WAPL: variants seen among roughly 807,000 people sequenced by gnomAD.
WAPL encodes the protein wings apart-like protein homolog.
In WAPL, 5 loss-of-function variants were observed where a neutral mutation model predicts 121.0. The ratio of observed to expected loss-of-function variants is 0.04; its 90% CI spans 0.02 to 0.09. WAPL has a LOEUF of 0.09. Among genes scored for constraint, WAPL ranks in the 10% least tolerant of loss-of-function variants. The pLI is 1.00. For missense variants in WAPL, 999 were observed against 1,410.8 expected, an observed-to-expected ratio of 0.71 and a Z score of 4.68; for synonymous variants, 480 against 481.5, an observed-to-expected ratio of 1.00 and a Z score of 0.04.
intron 4 of WAPL, among the ~76,000 whole-genome samples, chr10:86,482,459 C>T (rs950288947): frequency 6.6e-6 from 1 of 152,114 alleles, no homozygotes; most frequent in African/African-American, 2.4e-5. Flanking sequence ...TTGCTAAAAG[C>T]GCCAAGAAGC....
At chr10:86,491,026 G>A (rs1451267218) in intron 4 of WAPL, among the ~76,000 whole-genome samples, 1 of 150,580 alleles carries the variant, frequency 6.6e-6, no homozygotes, top group Non-Finnish European at 1.5e-5. Flanking sequence ...TCATGCCACC[G>A]CACTCCAGCC....
At chr10:86,455,127 G>T (rs933489879) in intron 12 of WAPL, among the ~76,000 whole-genome samples, 25 of 147,410 alleles carry the variant, frequency 1.7e-4, no homozygotes, top group Non-Finnish European at 2.9e-4. Context: ...CCTCTGCCCG[G>T]CCACCCCGTC....
intron 12 of WAPL, among the ~76,000 whole-genome samples, chr10:86,457,128 A>G (rs1237075863): frequency 6.6e-6 from 1 of 152,204 alleles, no homozygotes; most frequent in Non-Finnish European, 1.5e-5. Flanking sequence ...GAAACATTTA[A>G]CTTCAATAAT....
intron 15 of WAPL, among the ~76,000 whole-genome samples, chr10:86,451,120 T>A (rs76095556): frequency 2.0e-5 from 3 of 151,848 alleles, no homozygotes; most frequent in Admixed American, 6.6e-5. Flanking sequence ...TTTTTTTTTT[T>A]AATAGAGATG....
intron 9 of WAPL, among the ~76,000 whole-genome samples, chr10:86,466,874 T>C (rs1841410464): frequency 6.6e-6 from 1 of 152,140 alleles, no homozygotes; most frequent in East Asian, 1.9e-4. Context: ...GATTTTTTTG[T>C]ATTTTCTGCA....
chr10:86,521,192 A>G (rs1842668578), intron 1 of WAPL, among the ~76,000 whole-genome samples, 173 bp downstream of exon 1: 1 of 152,218 alleles, frequency 6.6e-6, no homozygotes, highest in Non-Finnish European at 1.5e-5. Context: ...AAGAACTCCG[A>G]AAAAGGAAAA....
intron 1 of WAPL, among the ~76,000 whole-genome samples, chr10:86,520,309 T>TA (rs1429151480): frequency 2.0e-5 from 3 of 152,110 alleles, no homozygotes; most frequent in Non-Finnish European, 4.4e-5. Context: ...ATAATAATAA[T>TA]AATGATAATA....
chr10:86,442,143 C>T (rs1401201423), intron 17 of WAPL, among the ~76,000 whole-genome samples: 3 of 152,306 alleles, frequency 2.0e-5, no homozygotes, highest in East Asian at 1.9e-4. Context: ...TCGATTCTTG[C>T]GTCTCAGCCT....
At chr10:86,474,040 AG>A (rs1394331813) in intron 4 of WAPL, 67 bp from the exon 5 acceptor site, 125 of 1,305,054 alleles carry the variant, frequency 9.6e-5, no homozygotes, top group Admixed American at 9.5e-4. Context: ...AAAATCATAA[AG>A]AATAATTTAT....
chr10:86,437,189 G>C lies in WAPL; in HGVS notation c.*354C>G. On this transcript the variant is annotated 3_prime_UTR_variant, in exon 19 of 19. Coordinates refer to ENST00000298767, the MANE Select transcript of WAPL (RefSeq NM_015045.5). The stretch of plus-strand genomic sequence containing the variant: ...TGACAACAGTGGCTCAACATACACA[G>C]CAGTTGCACTAACAGCAGCACAAAT... 1 of 203,024 alleles carries C rather than the reference G, an allele frequency of 4.9e-6. No individual in the cohort carries two copies. The highest frequency in any genetic ancestry group is 9.9e-6 in the Non-Finnish European group (1 of 101,312). 12.6% of individuals were successfully genotyped at this position (203,024 alleles called of 1,614,324 possible).
chr10:86,446,189 A>G, intron 16 of WAPL, 53 bp downstream of exon 16: 1 of 1,594,794 alleles, frequency 6.3e-7, no homozygotes, highest in Non-Finnish European at 8.6e-7. Flanking sequence ...GAAGAAAAAA[A>G]CAAAATCAAA....
At chr10:86,444,847 G>GT (rs1471234018) in intron 16 of WAPL, among the ~76,000 whole-genome samples, 1 of 108,190 alleles carries the variant, frequency 9.2e-6, no homozygotes, top group East Asian at 2.8e-4. Flanking sequence ...CAATAAAGCT[G>GT]TAACTTTTTA....
chr10:86,462,526 T>G (rs1298057710), intron 9 of WAPL, among the ~76,000 whole-genome samples: 1 of 151,648 alleles, frequency 6.6e-6, no homozygotes, highest in Non-Finnish European at 1.5e-5. Flanking sequence ...TTAAGACCAG[T>G]CTGGCCAACA....
chr10:86,457,680 C>T (rs1241664123), intron 12 of WAPL, among the ~76,000 whole-genome samples: 1 of 151,576 alleles, frequency 6.6e-6, no homozygotes, highest in African/African-American at 2.4e-5. Context: ...TATACAAATG[C>T]AAGATACAAA....
At chr10:86,498,904 A>G (rs1315212356) in intron 3 of WAPL, among the ~76,000 whole-genome samples, 1 of 152,156 alleles carries the variant, frequency 6.6e-6, no homozygotes, top group Non-Finnish European at 1.5e-5. Context: ...GCACTTTTCA[A>G]TTTTATTAAA....
At chr10:86,506,431 A>G (rs544559045) in intron 2 of WAPL, among the ~76,000 whole-genome samples, 1 of 152,340 alleles carries the variant, frequency 6.6e-6, no homozygotes, top group East Asian at 1.9e-4. Context: ...TACAATTTAA[A>G]AAAGTTAAAA....
intron 2 of WAPL, among the ~76,000 whole-genome samples, chr10:86,515,226 A>G (rs916469627): frequency 4.0e-5 from 6 of 150,978 alleles, no homozygotes; most frequent in African/African-American, 1.5e-4. Context: ...GCGCCATCGC[A>G]CTCCAGCCTG....
In WAPL at chr10:86,499,815, G is replaced by C; in HGVS notation, c.1428C>G (p.Ser476Arg). ...ATGGAGCTGTTTTAGTTCTTTTTTT[G>C]CTTGTCTTTCTTTCTACTTGACAGT... ...DDDCQVERKT[S>R]KKRTKTAPSP... is the part of the protein sequence containing the mutation. Residue 476 changes from serine to arginine, a missense_variant, in exon 3 of 19, where the codon AGC (serine) becomes AGG (arginine). Coordinates refer to ENST00000298767, the MANE Select transcript of WAPL (RefSeq NM_015045.5). The C allele has an allele frequency of 6.2e-7, 1 of 1,611,406 alleles. No individual in the cohort carries two copies. Among genetic ancestry groups the C allele is most frequent in the Non-Finnish European group, 8.5e-7 (1 of 1,179,322 alleles).
At chr10:86,470,631 C>A (rs1302424637) in intron 8 of WAPL, among the ~76,000 whole-genome samples, 2 of 152,128 alleles carry the variant, frequency 1.3e-5, no homozygotes, top group Non-Finnish European at 2.9e-5. Flanking sequence ...ATTTCCAAAC[C>A]AGTTTTTTTC....
Sources: gnomAD v4.1 joint callset for allele counts (sites outside exome capture counted in the v4.1 genomes callset) on GRCh38, gnomAD v4.1.1 for gene constraint, MANE v1.5 for transcripts, NCBI Gene and HGNC (gene_info 2026-07-23, HGNC 2026-07-21) for gene names.